The following PCDHGA3 variants were observed in gnomAD, a reference collection of about 807,000 sequenced individuals.
PCDHGA3 encodes protocadherin gamma subfamily A, 3.
A neutral mutation model predicts 58.5 loss-of-function variants in PCDHGA3; 40 were observed. The ratio of observed to expected loss-of-function variants is 0.68; its 90% confidence interval spans 0.53 to 0.89. The LOEUF (loss-of-function observed/expected upper bound fraction) is 0.89, where lower values mean the gene tolerates loss of function less well. Ranked by LOEUF, PCDHGA3 falls within the 40% of genes least tolerant of loss-of-function variation. The pLI is 0.00. For synonymous variants in PCDHGA3, 530 were observed against 525.7 expected, an observed-to-expected ratio of 1.01 and a Z score of -0.11; for missense variants, 1,223 against 1,195.9, an observed-to-expected ratio of 1.02 and a Z score of -0.33.
At chr5:141,353,619 GT>G (rs1759337292) in intron 1 of PCDHGA3, among the ~76,000 whole-genome samples, 1 of 152,022 alleles carries the variant, frequency 6.6e-6, no homozygotes, top group Non-Finnish European at 1.5e-5. Flanking sequence ...TAAATTATTT[GT>G]TTTTATGCTC....
chr5:141,379,967 T>C (rs1362425240), intron 1 of PCDHGA3, among the ~76,000 whole-genome samples: 1 of 142,578 alleles, frequency 7.0e-6, no homozygotes, highest in Non-Finnish European at 1.5e-5. Context: ...TGGTGTGATC[T>C]CTGCTCACTG....
At chr5:141,348,301 C>G (rs972153885) in intron 1 of PCDHGA3, among the ~76,000 whole-genome samples, 1 of 152,130 alleles carries the variant, frequency 6.6e-6, no homozygotes, top group Non-Finnish European at 1.5e-5. Context: ...CTCACTGAAA[C>G]ATGGAAATAC....
In PCDHGA3 at chr5:141,346,240, C is replaced by T; in HGVS notation, c.2207C>T (p.Pro736Leu). ...TCGGGAGGCGGCTTGGCGAGTACGC[C>T]CGGCTCGCACTTTGTGGGCGCGGAC... ...QASGGGLASTPGSHFVGADGV... is the reference protein window; with the variant it reads ...QASGGGLASTLGSHFVGADGV... The change falls in exon 1 of 4, where the codon CCC (proline) becomes CTC (leucine). Residue 736 changes from proline to leucine, a missense_variant. Pro to Leu is a moderately conservative substitution (Grantham distance 98). Coordinates refer to ENST00000253812, the MANE Select transcript of PCDHGA3 (RefSeq NM_018916.4). 1.2e-6 allele frequency: 2 copies of T among 1,614,204 alleles called. No homozygotes were observed. The highest frequency in any genetic ancestry group is 1.7e-6 in the Non-Finnish European group (2 of 1,180,040).
Position 141,491,885 on chromosome 5 carries a change from G to T in PCDHGA3, c.2425-2922G>T. On this transcript the variant is annotated intron_variant, in intron 1 of 3. Transcript: ENST00000253812. The surrounding 1 kb of genome is among the most constrained non-coding windows in gnomAD (Gnocchi z 6.9). ...ACCAGAGTGGCCGATTAAGGGATGG[G>T]GCTCCGAGCACCGGGGGTGGTGGCG... The T allele has an allele frequency of 6.9e-7, 1 of 1,445,748 alleles. No homozygotes were observed. Among genetic ancestry groups the T allele is most frequent in the Non-Finnish European group, 9.1e-7 (1 of 1,093,758 alleles). The allele number at this position is 1,445,748 out of a possible 1,614,324, so 89.6% of individuals were successfully genotyped here. A position where few individuals can be genotyped will look rare whatever the true frequency, so the allele number is the denominator to read the frequency against.
intron 1 of PCDHGA3, chr5:141,430,641 T>G: frequency 1.1e-6 from 1 of 902,670 alleles, no homozygotes. Context: ...TCCCTGGGAG[T>G]ATGTGGAAAC....
At chr5:141,364,514 C>A in intron 1 of PCDHGA3, 2 of 1,614,006 alleles carry the variant, frequency 1.2e-6, no homozygotes, top group Non-Finnish European at 1.7e-6. Context: ...GCTGGCGGAG[C>A]GCGGAGTCCG....
intron 1 of PCDHGA3, chr5:141,389,555 G>A (rs755878042): frequency 1.2e-5 from 20 of 1,613,076 alleles, no homozygotes; most frequent in East Asian, 6.7e-5. Flanking sequence ...ACGACAATGC[G>A]CCACGGGTGC....
chr5:141,356,831 G>A, intron 1 of PCDHGA3: 2 of 1,614,148 alleles, frequency 1.2e-6, no homozygotes, highest in East Asian at 2.2e-5. Flanking sequence ...CCACTCAGCA[G>A]CAATGTGTCA....
At chr5:141,448,748 G>A (rs1476665217) in intron 1 of PCDHGA3, among the ~76,000 whole-genome samples, 1 of 151,980 alleles carries the variant, frequency 6.6e-6, no homozygotes, top group Admixed American at 6.6e-5. Context: ...AGACCATCCT[G>A]GCTAACACGG....
intron 1 of PCDHGA3, chr5:141,389,176 C>G (rs775758481): frequency 6.2e-7 from 1 of 1,614,064 alleles, no homozygotes; most frequent in South Asian, 1.1e-5. Flanking sequence ...CCTCCCCTCT[C>G]CTCCAGTTCC....
At chr5:141,389,245 C>A (rs755580542) in intron 1 of PCDHGA3, 6 of 1,613,950 alleles carry the variant, frequency 3.7e-6, no homozygotes, top group Non-Finnish European at 5.1e-6. Context: ...TCACAGTCTT[C>A]CTATATAGTC....
chr5:141,423,749 T>TG, intron 1 of PCDHGA3: 2 of 272,262 alleles, frequency 7.3e-6, no homozygotes, highest in Non-Finnish European at 4.7e-6. Flanking sequence ...TGAAAACTGT[T>TG]TGGGGGGGGG....
Position 141,380,147 on chromosome 5 carries a change from G to A in PCDHGA3, c.2424+33690G>A, listed in dbSNP as rs191814510. On this transcript the variant is annotated intron_variant, in intron 1 of 3. Transcript: ENST00000253812. ...ACTCCTGACCTTAAGTGATCCACCC[G>A]CCTCAGCCTCTCAAAGGGCTGGGAT... Among the ~76,000 whole-genome samples the A allele has an allele frequency of 2.4e-3, 365 of 152,108 alleles. 1 individual carries two copies. Among genetic ancestry groups the A allele is most frequent in the Non-Finnish European group, 4.5e-3 (306 of 67,982 alleles).
rs146574799 is a variant in PCDHGA3, at chr5:141,487,337, G to A, written c.2425-7470G>A. The A allele has an allele frequency of 1.4e-5, 23 of 1,614,054 alleles. No individual in the cohort carries two copies. The highest frequency in any genetic ancestry group is 3.3e-5 in the Admixed American group (2 of 60,002). The stretch of plus-strand genomic sequence containing the variant: ...TAAGTGTCTTCGTGGGGCAGCCTGT[G>A]GAGTCACATGCTTTCCTGCTGGCAC... On this transcript the variant is annotated intron_variant, in intron 1 of 3. Coordinates refer to ENST00000253812, the MANE Select transcript of PCDHGA3 (RefSeq NM_018916.4). The surrounding 1 kb of genome is among the most constrained non-coding windows in gnomAD (Gnocchi z 5.0).
chr5:141,350,389 A>G, intron 1 of PCDHGA3: 3 of 1,596,640 alleles, frequency 1.9e-6, no homozygotes, highest in Non-Finnish European at 2.6e-6. Context: ...CCAACGGCTC[A>G]CGGGTGGGGA....
At position 141,493,887 on chromosome 5, in the gene PCDHGA3, G is replaced by C. The variant is rs760575047; in HGVS notation, c.2425-920G>C. On this transcript the variant is annotated intron_variant, in intron 1 of 3. Transcript: ENST00000253812. This position sits in a 1 kb window ranked among gnomAD's most constrained non-coding sequence, Gnocchi z 4.3. Reference sequence around the variant, plus strand: ...AGAACCAGTGAGGAGGTGGCTCTAGGAGTGCTCCATGAGAGTGTGTGATGG... The same window carrying C: ...AGAACCAGTGAGGAGGTGGCTCTAGCAGTGCTCCATGAGAGTGTGTGATGG... Among the ~76,000 whole-genome samples, 11 of 152,184 alleles carry C rather than the reference G, an allele frequency of 7.2e-5. No homozygotes were observed. Among genetic ancestry groups the C allele is most frequent in the Non-Finnish European group, 1.2e-4 (8 of 68,026 alleles).
chr5:141,420,494 C>A (rs978136090), intron 1 of PCDHGA3: 1 of 499,510 alleles, frequency 2.0e-6, no homozygotes, highest in Non-Finnish European at 3.1e-6. Context: ...GGGTAATCTC[C>A]GGTGACATTT....
Position 141,345,988 on chromosome 5 carries a change from C to T in PCDHGA3, c.1955C>T (p.Pro652Leu), listed in dbSNP as rs1387239684. Reference sequence around the variant, plus strand: ...GTGGCCGTCCAGGACCACGGCCAGCCCCCTCTCTCCGCCACTGTCACGCTC... The same window carrying T: ...GTGGCCGTCCAGGACCACGGCCAGCTCCCTCTCTCCGCCACTGTCACGCTC... ...LVVAVQDHGQ[P>L]PLSATVTLTV... Residue 652 changes from proline (P) to leucine (L), a missense_variant, in exon 1 of 4, where the codon CCC (proline) becomes CTC (leucine). Transcript: ENST00000253812. The T allele has an allele frequency of 1.2e-6, 2 of 1,613,268 alleles. No homozygotes were observed. Among genetic ancestry groups the T allele is most frequent in the Non-Finnish European group, 8.5e-7 (1 of 1,179,840 alleles).
chr5:141,422,643 C>T, intron 1 of PCDHGA3: 1 of 1,612,336 alleles, frequency 6.2e-7, no homozygotes, highest in Non-Finnish European at 8.5e-7. Flanking sequence ...GTGCCTCCAT[C>T]TTCTCAGTGA....
Sources: gnomAD v4.1 joint callset for allele counts (sites outside exome capture counted in the v4.1 genomes callset) on GRCh38, gnomAD v4.1.1 for gene constraint, Gnocchi (gnomAD v3.1) non-coding constraint, MANE v1.5 for transcripts, NCBI Gene and HGNC (gene_info 2026-07-23, HGNC 2026-07-21) for gene names.